The following COL17A1 variants were observed in gnomAD, a reference collection of about 807,000 sequenced individuals.
COL17A1 encodes collagen type XVII alpha 1 chain.
Under a neutral mutation model 218.4 loss-of-function variants are expected in COL17A1, and 181 were observed. The ratio of observed to expected loss-of-function variants is 0.83; its 90% CI spans 0.73 to 0.94. The LOEUF is 0.94. COL17A1 is among the 40% of genes least tolerant of loss of function. COL17A1 has a pLI of 0.00. For synonymous variants in COL17A1, 721 were observed against 731.0 expected, an observed-to-expected ratio of 0.99 and a Z score of 0.22; for missense variants, 1,924 against 1,945.9, an observed-to-expected ratio of 0.99 and a Z score of 0.21.
intron 39 of COL17A1, among the ~76,000 whole-genome samples, chr10:104,040,742 G>A (rs1055002348): frequency 1.3e-5 from 2 of 152,104 alleles, no homozygotes; most frequent in Admixed American, 1.3e-4. Context: ...TGTACGGTCG[G>A]CACTTACTTC....
intron 2 of COL17A1, among the ~76,000 whole-genome samples, 158 bp downstream of exon 2, chr10:104,080,464 A>C (rs1400225592): frequency 6.6e-6 from 1 of 152,276 alleles, no homozygotes. Flanking sequence ...AAAATCAACA[A>C]GAGCTGTCTT....
intron 29 of COL17A1, among the ~76,000 whole-genome samples, chr10:104,048,570 T>C (rs1402648409): frequency 6.6e-6 from 1 of 152,222 alleles, no homozygotes; most frequent in Non-Finnish European, 1.5e-5. Flanking sequence ...TTCCAACTTT[T>C]TGGGACCACT....
intron 1 of COL17A1, among the ~76,000 whole-genome samples, chr10:104,083,201 CT>C (rs951370502): frequency 2.0e-5 from 3 of 152,168 alleles, no homozygotes; most frequent in African/African-American, 7.2e-5. Context: ...CCCAGGACTT[CT>C]TTTTTACACA....
chr10:104,042,671 C>T (rs1041156155), intron 35 of COL17A1, among the ~76,000 whole-genome samples: 4 of 152,230 alleles, frequency 2.6e-5, no homozygotes, highest in Admixed American at 2.0e-4. Flanking sequence ...GGACTGCCCC[C>T]TCTGCTGCTG....
At position 104,058,672 on chromosome 10, in the gene COL17A1, G is replaced by A. The variant is rs537592632; in HGVS notation, c.1223-482C>T. ...GTTTAGGCCAGGCACGGTGACTCAC[G>A]CCTGTAATCCCAGGACTTTGGGAGG... is the stretch of plus-strand genomic sequence containing the variant. On this transcript the variant is annotated intron_variant, in intron 15 of 55. Transcript: ENST00000648076. 2.0e-5 allele frequency among the ~76,000 whole-genome samples: 3 copies of A among 152,234 alleles called. No individual in the cohort carries two copies. The South Asian group carries it at 6.2e-4, about 32-fold the overall frequency.
intron 19 of COL17A1, 146 bp from the exon 20 acceptor site, chr10:104,055,153 CTA>C: frequency 6.7e-7 from 1 of 1,488,320 alleles, no homozygotes; most frequent in Admixed American, 2.0e-5. Flanking sequence ...GTCCCAGAGT[CTA>C]TGTCATTTGG....
At chr10:104,039,945 G>C (rs1264875169) in intron 41 of COL17A1, 28 bp downstream of exon 41, 1 of 1,614,146 alleles carries the variant, frequency 6.2e-7, no homozygotes, top group Admixed American at 1.7e-5. Flanking sequence ...CCTACCCCAG[G>C]TTTTGTTTGA....
At chr10:104,076,279 G>T (rs1488278899) in intron 5 of COL17A1, 22 bp downstream of exon 5, 3 of 1,613,810 alleles carry the variant, frequency 1.9e-6, no homozygotes, top group South Asian at 2.2e-5. Flanking sequence ...TGGTTCTCTT[G>T]TATGGTTAGT....
At position 104,078,531 on chromosome 10, in the gene COL17A1, T is replaced by A. The variant is rs199560359; in HGVS notation, c.97+11A>T. 1.9e-4 allele frequency: 312 copies of A among 1,614,114 alleles called. 1 individual carries two copies. The highest frequency in any genetic ancestry group is 9.5e-4 in the Admixed American group (57 of 60,022). On this transcript the variant is annotated intron_variant, in intron 3 of 55. Transcript: ENST00000648076. The stretch of plus-strand genomic sequence containing the variant: ...CCTACTGAAAAGAAAGCTATTGAGG[T>A]AGTTACTTACTTGGTGGTAAGGATG...
chr10:104,072,213 G>T, intron 7 of COL17A1, 134 bp from the exon 8 acceptor site: 1 of 1,356,232 alleles, frequency 7.4e-7, no homozygotes, highest in Non-Finnish European at 1.0e-6. Context: ...GGAAATCTAG[G>T]TGTGCCCAAG....
intron 14 of COL17A1, 64 bp downstream of exon 14, chr10:104,060,055 A>G: frequency 1.2e-6 from 2 of 1,610,052 alleles, no homozygotes; most frequent in Non-Finnish European, 8.5e-7. Context: ...CCTTGCTAGG[A>G]CATTTGGTCT....
At chr10:104,050,932 T>C (rs2086463360) in intron 25 of COL17A1, 31 bp from the exon 26 acceptor site, 2 of 1,613,880 alleles carry the variant, frequency 1.2e-6, no homozygotes, top group South Asian at 1.1e-5. Context: ...TGCACACAGA[T>C]GAGTATCCCT....
chr10:104,038,574 G>A (rs769330527), intron 44 of COL17A1, 46 bp from the exon 45 acceptor site: 1 of 1,603,028 alleles, frequency 6.2e-7, no homozygotes. Context: ...CCACCCTAGG[G>A]TCAGACAAAC....
chr10:104,036,541 C>T lies in COL17A1; in HGVS notation c.3369G>A (p.Leu1123=). 6.2e-7 allele frequency: 1 copy of T among 1,614,002 alleles called. No homozygotes were observed. The highest frequency in any genetic ancestry group is 8.5e-7 in the Non-Finnish European group (1 of 1,179,948). Residue 1123 remains leucine (L), a synonymous_variant, in exon 48 of 56, where the codon CTG becomes CTA. Coordinates refer to ENST00000648076, the MANE Select transcript of COL17A1 (RefSeq NM_000494.4). Reference sequence around the variant, plus strand: ...TACTCAGCTCTGCATAGTCCAAAGACAGGAGGGACCCATCTCCACTGGCTC... The same window carrying T: ...TACTCAGCTCTGCATAGTCCAAAGATAGGAGGGACCCATCTCCACTGGCTC... The part of the protein sequence containing the change: ...PPGASGDGSL[L]SLDYAELSSR...
At chr10:104,060,323 G>C in intron 13 of COL17A1, 43 bp from the exon 14 acceptor site, 1 of 1,611,016 alleles carries the variant, frequency 6.2e-7, no homozygotes, top group Non-Finnish European at 8.5e-7. Context: ...ACATGTGCCA[G>C]GAGAAGGGAG....
chr10:104,039,018 T>A, intron 44 of COL17A1, 53 bp downstream of exon 44: 1 of 1,542,952 alleles, frequency 6.5e-7, no homozygotes. Flanking sequence ...ACTGGAATGA[T>A]CAGCCTTCAC....
intron 39 of COL17A1, among the ~76,000 whole-genome samples, chr10:104,040,836 C>T (rs1488512299): frequency 6.6e-6 from 1 of 152,170 alleles, no homozygotes; most frequent in African/African-American, 2.4e-5. Flanking sequence ...CAGAAGCTCC[C>T]CAAGGGCAGA....
In COL17A1 at chr10:104,049,407, A is replaced by C. The variant is rs2086445439; in HGVS notation, c.2227+2T>G. 3 of 1,613,762 alleles carry C rather than the reference A, an allele frequency of 1.9e-6. No homozygotes were observed. The highest frequency in any genetic ancestry group is 2.5e-6 in the Non-Finnish European group (3 of 1,179,810). The stretch of plus-strand genomic sequence containing the variant: ...CTGAATCCATTCCTTTGGAACACTT[A>C]CCCATTGCTCCTTTAGCCCCGGGCT... On this transcript the variant is annotated splice_donor_variant, in intron 29 of 55. Coordinates refer to ENST00000648076, the MANE Select transcript of COL17A1 (RefSeq NM_000494.4). LOFTEE classifies it high-confidence loss of function.
rs142728983 is a variant in COL17A1, at chr10:104,050,843, C to T, written c.2092+5G>A. ...ACTGTCCCCCCAGGCCTCCCTCCAG[C>T]TTACCTTTGACACCAGGAAGTCCTA... On this transcript the variant is annotated splice_donor_5th_base_variant and intron_variant, in intron 26 of 55. Coordinates refer to ENST00000648076, the MANE Select transcript of COL17A1 (RefSeq NM_000494.4). The T allele has an allele frequency of 1.3e-3, 2,040 of 1,614,138 alleles. 18 individuals carry two copies. In the African/African-American group the frequency reaches 0.02, roughly 16 times the overall value.
Sources: gnomAD v4.1 joint callset for allele counts (sites outside exome capture counted in the v4.1 genomes callset) on GRCh38, gnomAD v4.1.1 for gene constraint, MANE v1.5 for transcripts, NCBI Gene and HGNC (gene_info 2026-07-23, HGNC 2026-07-21) for gene names.